Variants in TDRD3 observed in about 807,000 individuals in gnomAD.
The protein encoded by TDRD3 is tudor domain-containing protein 3.
In TDRD3, 45 loss-of-function variants were observed where a neutral mutation model predicts 86.7. The ratio of observed to expected loss-of-function variants is 0.52; its 90% CI spans 0.41 to 0.67. TDRD3 has a LOEUF of 0.67. Ranked by LOEUF, TDRD3 falls within the 30% of genes least tolerant of loss-of-function variation. The pLI is 0.00. For synonymous variants in TDRD3, 298 were observed against 301.7 expected (o/e 0.99, Z 0.13); for missense variants, 814 against 889.0 (o/e 0.92, Z 1.07).
At chr13:60,510,152 A>T (rs958645571) in intron 9 of TDRD3, among the ~76,000 whole-genome samples, 34 of 152,346 alleles carry the variant, frequency 2.2e-4, no homozygotes, top group African/African-American at 7.0e-4. Flanking sequence ...AAATGGGTCT[A>T]ACAATACCTT....
chr13:60,463,969 A>G (rs942801799), intron 4 of TDRD3, among the ~76,000 whole-genome samples: 5 of 152,194 alleles, frequency 3.3e-5, no homozygotes, highest in Admixed American at 1.3e-4. Context: ...GCTTGGTGCC[A>G]TCCTTGCAGT....
At chr13:60,508,157 T>G (rs1346776205) in intron 8 of TDRD3, among the ~76,000 whole-genome samples, 1 of 152,128 alleles carries the variant, frequency 6.6e-6, no homozygotes, top group East Asian at 1.9e-4. Context: ...TGCTCACGGA[T>G]AGGAAGAATC....
chr13:60,534,262 A>G (rs1377873471), intron 11 of TDRD3, among the ~76,000 whole-genome samples: 1 of 152,192 alleles, frequency 6.6e-6, no homozygotes, highest in Non-Finnish European at 1.5e-5. Flanking sequence ...GCAGTGAGCT[A>G]TGATCACACC....
chr13:60,552,534 A>T (rs1958088294), intron 12 of TDRD3, among the ~76,000 whole-genome samples: 1 of 152,154 alleles, frequency 6.6e-6, no homozygotes, highest in Admixed American at 6.5e-5. Flanking sequence ...CTATAGGTGG[A>T]TCTGCCATTC....
chr13:60,550,024 T>C (rs932482019), intron 12 of TDRD3, among the ~76,000 whole-genome samples: 5 of 152,104 alleles, frequency 3.3e-5, no homozygotes, highest in African/African-American at 1.2e-4. Flanking sequence ...TCATGAACAC[T>C]TGATCTCTTT....
intron 8 of TDRD3, among the ~76,000 whole-genome samples, chr13:60,505,682 C>T (rs1450589983): frequency 6.6e-6 from 1 of 152,102 alleles, no homozygotes; most frequent in Admixed American, 6.5e-5. Flanking sequence ...TAGAGAAGAA[C>T]ATAAATGACC....
chr13:60,557,206 C>CAAA (rs138618410), intron 12 of TDRD3, among the ~76,000 whole-genome samples: 28 of 117,596 alleles, frequency 2.4e-4, no homozygotes, highest in South Asian at 1.1e-3. Flanking sequence ...AACTCTGTCT[C>CAAA]AAAAAAAAAA....
At position 60,460,498 on chromosome 13, in the gene TDRD3, T is replaced by C; in HGVS notation, c.311T>C (p.Ile104Thr). Residue 104 changes from isoleucine (I) to threonine (T), a missense_variant, in exon 4 of 14, where the codon ATA becomes ACA. Transcript: ENST00000377881. ...CGATTACAGATGACTGATGGTCATATAAGTTGCACAGCAGTAGAATTTAGT... is the reference window on the plus strand; with the variant it reads ...CGATTACAGATGACTGATGGTCATACAAGTTGCACAGCAGTAGAATTTAGT... ...MLRLQMTDGH[I>T]SCTAVEFSYM... The C allele has an allele frequency of 3.8e-6, 6 of 1,579,246 alleles. No individual in the cohort carries two copies. The highest frequency in any genetic ancestry group is 1.4e-5 in the African/African-American group (1 of 72,540).
At chr13:60,409,457 A>G (rs1176896553) in intron 1 of TDRD3, among the ~76,000 whole-genome samples, 1 of 152,138 alleles carries the variant, frequency 6.6e-6, no homozygotes, top group Non-Finnish European at 1.5e-5. Flanking sequence ...AGCTGGGAGG[A>G]AGGCTGTATC....
intron 12 of TDRD3, among the ~76,000 whole-genome samples, chr13:60,552,974 G>A (rs183771521): frequency 6.6e-6 from 1 of 152,210 alleles, no homozygotes; most frequent in African/African-American, 2.4e-5. Context: ...AGGCCTTCGG[G>A]CCTGTGATGG....
At chr13:60,493,244 T>A (rs577063483) in intron 7 of TDRD3, among the ~76,000 whole-genome samples, 1 of 152,254 alleles carries the variant, frequency 6.6e-6, no homozygotes, top group Non-Finnish European at 1.5e-5. Context: ...TGTTATTGTA[T>A]TATATATAAT....
At chr13:60,399,051 C>T (rs186560065) in intron 1 of TDRD3, among the ~76,000 whole-genome samples, 20 of 152,242 alleles carry the variant, frequency 1.3e-4, no homozygotes, top group Admixed American at 1.2e-3. Context: ...TTTTTTAGGT[C>T]CCGAACACGT....
At chr13:60,483,924 A>G in intron 6 of TDRD3, 78 bp downstream of exon 6, 2 of 1,365,648 alleles carry the variant, frequency 1.5e-6, no homozygotes, top group South Asian at 2.4e-5. Flanking sequence ...GTGTTTCATT[A>G]TGTGCTGAAC....
intron 10 of TDRD3, among the ~76,000 whole-genome samples, chr13:60,520,588 T>C (rs1166168015): frequency 6.6e-6 from 1 of 152,214 alleles, no homozygotes; most frequent in Non-Finnish European, 1.5e-5. Flanking sequence ...TTTCATAGAT[T>C]TTATTACAGC....
intron 3 of TDRD3, among the ~76,000 whole-genome samples, chr13:60,450,916 C>T (rs1188469248): frequency 3.3e-5 from 5 of 152,002 alleles, no homozygotes; most frequent in East Asian, 1.9e-4. Context: ...CCATATCGGG[C>T]GTATTTAAAA....
At chr13:60,415,688 C>T (rs939689104) in intron 1 of TDRD3, among the ~76,000 whole-genome samples, 2 of 152,092 alleles carry the variant, frequency 1.3e-5, no homozygotes, top group African/African-American at 4.8e-5. Context: ...GCTTTCTTTT[C>T]TCAAATGGGC....
chr13:60,453,441 GTT>G (rs1287868233), intron 3 of TDRD3, among the ~76,000 whole-genome samples: 1 of 152,060 alleles, frequency 6.6e-6, no homozygotes, highest in African/African-American at 2.4e-5. Context: ...ATTAGTACCA[GTT>G]TTTCTTTTTC....
intron 12 of TDRD3, among the ~76,000 whole-genome samples, chr13:60,541,632 A>G (rs1957810753): frequency 1.3e-5 from 2 of 148,584 alleles, no homozygotes. Flanking sequence ...CTTTACTTGT[A>G]TATCCAATAT....
At chr13:60,502,847 G>A (rs1194427319) in intron 8 of TDRD3, among the ~76,000 whole-genome samples, 3 of 152,170 alleles carry the variant, frequency 2.0e-5, no homozygotes, top group African/African-American at 4.8e-5. Context: ...TCAAAGCCTT[G>A]ATAAAATAAC....
Sources: allele counts gnomAD v4.1 joint callset (sites outside exome capture counted in the v4.1 genomes callset), GRCh38; gene constraint gnomAD v4.1.1; transcripts MANE v1.5; gene names NCBI Gene and HGNC (gene_info 2026-07-23, HGNC 2026-07-21).